PARP15: variants seen among roughly 807,000 people sequenced by gnomAD.
The protein encoded by PARP15 is poly(ADP-ribose) polymerase family member 15, also known as protein mono-ADP-ribosyltransferase PARP15.
PARP15 carries 50 observed loss-of-function variants against 62.1 expected under a neutral mutation model. The observed-to-expected ratio is 0.81, with a 90% CI of 0.64 to 1.02. The LOEUF (loss-of-function observed/expected upper bound fraction) is 1.02. Among genes scored for constraint, PARP15 ranks in the 50% least tolerant of loss-of-function variants. The pLI is 0.00. For synonymous variants in PARP15, 309 were observed against 293.1 expected, an observed-to-expected ratio of 1.05 and a Z score of -0.55; for missense variants, 820 against 826.5, an observed-to-expected ratio of 0.99 and a Z score of 0.10.
intron 8 of PARP15, among the ~76,000 whole-genome samples, chr3:122,623,137 A>G (rs1936460268): frequency 6.6e-6 from 1 of 152,064 alleles, no homozygotes; most frequent in Non-Finnish European, 1.5e-5. Flanking sequence ...AGCCAGGGGG[A>G]ACGTGCTGCA....
intron 2 of PARP15, among the ~76,000 whole-genome samples, chr3:122,606,488 G>T (rs1399000975): frequency 1.3e-5 from 2 of 152,162 alleles, no homozygotes; most frequent in Admixed American, 1.3e-4. Flanking sequence ...AGGGATAAAG[G>T]TTACCAGAAG....
chr3:122,579,568 A>G (rs919498731), intron 1 of PARP15, among the ~76,000 whole-genome samples: 3 of 152,214 alleles, frequency 2.0e-5, no homozygotes, highest in African/African-American at 7.2e-5. Context: ...ACATGAAATC[A>G]TTCAGCAGAG....
chr3:122,636,262 C>A lies in PARP15; in HGVS notation c.*162C>A. The A allele has an allele frequency of 1.5e-6, 1 of 676,528 alleles. No homozygotes were observed. Among genetic ancestry groups the A allele is most frequent in the Non-Finnish European group, 2.4e-6 (1 of 413,032 alleles). 41.9% of individuals were successfully genotyped at this position (676,528 alleles called of 1,614,324 possible). ...AGTGCTCTATTGCTGCGATTTGTAGCATACCTTTTTTTCTCAGCAAATTGA... is the reference window on the plus strand; with the variant it reads ...AGTGCTCTATTGCTGCGATTTGTAGAATACCTTTTTTTCTCAGCAAATTGA... On this transcript the variant is annotated 3_prime_UTR_variant, in exon 12 of 12. Transcript: ENST00000464300.
intron 8 of PARP15, among the ~76,000 whole-genome samples, chr3:122,623,136 G>A (rs761548954): frequency 6.6e-6 from 1 of 152,186 alleles, no homozygotes; most frequent in Non-Finnish European, 1.5e-5. Context: ...AAGCCAGGGG[G>A]AACGTGCTGC....
Position 122,612,916 on chromosome 3 carries a change from T to G in PARP15, c.544-125T>G, listed in dbSNP as rs1287607319. ...CCTGTTTTTGTTTCCTCTTTCTGAC[T>G]TCTCAGGCCCTGACTAAGCCAACAA... On this transcript the variant is annotated intron_variant, in intron 3 of 11. Transcript: ENST00000464300. 6.3e-6 allele frequency: 5 copies of G among 789,598 alleles called. No individual in the cohort carries two copies. In the African/African-American group the frequency reaches 8.7e-5, roughly 14 times the overall value. 48.9% of individuals were successfully genotyped at this position (789,598 alleles called of 1,614,324 possible).
At chr3:122,578,903 G>A (rs1259387574) in intron 1 of PARP15, among the ~76,000 whole-genome samples, 1 of 152,100 alleles carries the variant, frequency 6.6e-6, no homozygotes. Flanking sequence ...GTGAATTGGT[G>A]GGACATATGT....
Position 122,606,045 on chromosome 3 carries a change from T to A in PARP15, c.296T>A (p.Leu99Gln). 2 of 1,551,870 alleles carry A rather than the reference T, an allele frequency of 1.3e-6. No homozygotes were observed. Among genetic ancestry groups the A allele is most frequent in the Non-Finnish European group, 1.7e-6 (2 of 1,146,814 alleles). ...CTCAAGTTGATAAGTGGAGATGTTC[T>A]GTACATCTGGGTAGGTGATGCCATT... ...LNLKLISGDV[L>Q]YIWADVIVNS... Residue 99 changes from leucine to glutamine, a missense_variant, in exon 2 of 12, where the codon CTG becomes CAG. Physicochemically the swap from Leu to Gln is moderately radical, Grantham distance 113. Around this residue, in one of 3 missense-constraint regions of PARP15, gnomAD observed 731 missense variants for 727.7 expected, o/e 1.00. Coordinates refer to ENST00000464300, the MANE Select transcript of PARP15 (RefSeq NM_001113523.3).
chr3:122,636,242 T>C lies in PARP15; in HGVS notation c.*142T>C, dbSNP rs1937366560. 1.3e-6 allele frequency: 1 copy of C among 790,198 alleles called. No individual in the cohort carries two copies. Among genetic ancestry groups the C allele is most frequent in the East Asian group, 2.7e-5 (1 of 37,230 alleles). 48.9% of individuals were successfully genotyped at this position (790,198 alleles called of 1,614,324 possible). On this transcript the variant is annotated 3_prime_UTR_variant, in exon 12 of 12. Transcript: ENST00000464300. ...GCTGAAAATTACCTTTTTAAAGTGC[T>C]CTATTGCTGCGATTTGTAGCATACC... is the stretch of plus-strand genomic sequence containing the variant.
Position 122,584,574 on chromosome 3 carries a change from C to CT in PARP15, c.186+6735dup, listed in dbSNP as rs1295988177. On this transcript the variant is annotated intron_variant, in intron 1 of 11. Coordinates refer to ENST00000464300, the MANE Select transcript of PARP15 (RefSeq NM_001113523.3). ...AAGGAAATATTCATCCATTTCTTTC[C>CT]TTTTTTTTTTTTTTCCGAGATGGAG... Among the ~76,000 whole-genome samples, 154 of 136,618 alleles carry CT rather than the reference C, an allele frequency of 1.1e-3. 2 individuals are homozygous for CT. Among genetic ancestry groups the CT allele is most frequent in the South Asian group, 4.7e-3 (21 of 4,436 alleles). The allele number at this position is 136,618 out of a possible 152,430, so 89.6% of individuals were successfully genotyped here. A position where few individuals can be genotyped will look rare whatever the true frequency, so the allele number is the denominator to read the frequency against.
Position 122,636,116 on chromosome 3 carries a change from C to T in PARP15, c.*16C>T. ...CACGGCTTAAAAATATTTTTATCAT[C>T]AAAGAGATGATTTAAGTCATCTGTA... On this transcript the variant is annotated 3_prime_UTR_variant, in exon 12 of 12. Transcript: ENST00000464300. 6.3e-7 allele frequency: 1 copy of T among 1,596,168 alleles called. No homozygotes were observed. The highest frequency in any genetic ancestry group is 8.6e-7 in the Non-Finnish European group (1 of 1,167,606).
chr3:122,633,939 C>T (rs1343834128), intron 10 of PARP15, among the ~76,000 whole-genome samples: 3 of 152,190 alleles, frequency 2.0e-5, no homozygotes, highest in Non-Finnish European at 4.4e-5. Flanking sequence ...ATTCATGGTC[C>T]CCAGCCTCAG....
intron 1 of PARP15, chr3:122,594,895 A>C: frequency 1.0e-5 from 10 of 967,036 alleles, no homozygotes; most frequent in Non-Finnish European, 1.2e-5. Context: ...ATTTTCTTCA[A>C]AAATCCCAAA....
At chr3:122,580,005 A>ATGTATATATATG (rs1299559421) in intron 1 of PARP15, among the ~76,000 whole-genome samples, 2 of 82,188 alleles carry the variant, frequency 2.4e-5, no homozygotes, top group Non-Finnish European at 5.5e-5. Flanking sequence ...ATATGTATAT[A>ATGTATATATATG]TATATATATA....
intron 4 of PARP15, chr3:122,615,474 G>A: frequency 8.2e-7 from 1 of 1,220,334 alleles, no homozygotes; most frequent in Non-Finnish European, 1.1e-6. Flanking sequence ...TTCAAAAGAG[G>A]AGGGATAACG....
In PARP15 at chr3:122,599,372, C is replaced by CAAA. The variant is rs35376492; in HGVS notation, c.187-6553_187-6551dup. 9.5e-4 allele frequency among the ~76,000 whole-genome samples: 127 copies of CAAA among 134,366 alleles called. 1 individual carries two copies. Among genetic ancestry groups the CAAA allele is most frequent in the African/African-American group, 2.5e-3 (90 of 36,426 alleles). The allele number at this position is 134,366 out of a possible 152,430, so 88.1% of individuals were successfully genotyped here. ...TGGGCAACAGAGCGAGACATAGTCTCAAAAAAAAAAAAAGAATCCCAAATG... is the reference window on the plus strand; with the variant it reads ...TGGGCAACAGAGCGAGACATAGTCTCAAAAAAAAAAAAAAAAGAATCCCAAATG... On this transcript the variant is annotated intron_variant, in intron 1 of 11. Transcript: ENST00000464300.
chr3:122,632,955 G>A, intron 10 of PARP15, among the ~76,000 whole-genome samples: 1 of 152,142 alleles, frequency 6.6e-6, no homozygotes, highest in East Asian at 1.9e-4. Flanking sequence ...CCACTATGCT[G>A]CATAAAAATA....
intron 1 of PARP15, among the ~76,000 whole-genome samples, chr3:122,596,895 T>G (rs1934397643): frequency 6.6e-6 from 1 of 152,208 alleles, no homozygotes; most frequent in Non-Finnish European, 1.5e-5. Context: ...CTTCCTCACA[T>G]AGCTTCAATG....
chr3:122,599,009 C>T (rs1934580312), intron 1 of PARP15, among the ~76,000 whole-genome samples: 2 of 152,206 alleles, frequency 1.3e-5, no homozygotes, highest in Non-Finnish European at 1.5e-5. Flanking sequence ...AATTATCCCA[C>T]CTCAGCCTCC....
Position 122,632,202 on chromosome 3 carries a change from TC to T in PARP15, c.1557del (p.Tyr520ThrfsTer3). On this transcript the variant is annotated frameshift_variant, in exon 10 of 12. Transcript: ENST00000464300. LOFTEE classifies it high-confidence loss of function. Reference sequence around the variant, plus strand: ...GGACAAGTTCACCCGAACTTGTTCTTCCTACGCAATAGAGAAGGTAATACTG... The same window carrying T: ...GGACAAGTTCACCCGAACTTGTTCTTCTACGCAATAGAGAAGGTAATACTG... ...IKDKFTRTCS[S>X]YAIEKIERIQ... The T allele has an allele frequency of 6.2e-7, 1 of 1,613,648 alleles. No homozygotes were observed. The highest frequency in any genetic ancestry group is 2.2e-5 in the East Asian group (1 of 44,864).
Sources: allele counts gnomAD v4.1 joint callset (sites outside exome capture counted in the v4.1 genomes callset), GRCh38; gene constraint gnomAD v4.1.1; regional missense constraint gnomAD v4.1.1; transcripts MANE v1.5; gene names NCBI Gene and HGNC (gene_info 2026-07-23, HGNC 2026-07-21).